The following CDH12 variants were observed in gnomAD, a reference collection of about 807,000 sequenced individuals.
CDH12 encodes the protein cadherin-12.
A neutral mutation model predicts 74.1 loss-of-function variants in CDH12; 41 were observed. The observed-to-expected ratio is 0.55, with a 90% CI of 0.43 to 0.72. The LOEUF (loss-of-function observed/expected upper bound fraction) is 0.72. CDH12 is among the 30% of genes least tolerant of loss of function. The pLI is 0.00. For missense variants in CDH12, 945 were observed against 977.2 expected, an observed-to-expected ratio of 0.97 and a Z score of 0.44; for synonymous variants, 399 against 355.0, an observed-to-expected ratio of 1.12 and a Z score of -1.39.
At chr5:22,363,482 CGGCAT>C (rs1740905835) in intron 3 of CDH12, among the ~76,000 whole-genome samples, 1 of 152,120 alleles carries the variant, frequency 6.6e-6, no homozygotes, top group Admixed American at 6.6e-5. Flanking sequence ...GCCTATTAAA[CGGCAT>C]GAAGAAGATA....
intron 3 of CDH12, among the ~76,000 whole-genome samples, chr5:22,303,847 G>T (rs1737994820): frequency 6.6e-6 from 1 of 152,080 alleles, no homozygotes; most frequent in Non-Finnish European, 1.5e-5. Context: ...TGTGAACTTT[G>T]TTAAGTCACC....
At chr5:22,814,231 C>T (rs1357643970) in intron 1 of CDH12, among the ~76,000 whole-genome samples, 4 of 152,002 alleles carry the variant, frequency 2.6e-5, no homozygotes, top group African/African-American at 9.7e-5. Context: ...GGGAATCAAA[C>T]CAGAGATTGC....
chr5:22,774,824 A>T (rs1747002814), intron 1 of CDH12, among the ~76,000 whole-genome samples: 1 of 151,998 alleles, frequency 6.6e-6, no homozygotes, highest in South Asian at 2.1e-4. Flanking sequence ...AACACTGGGG[A>T]CTATTAGAGT....
At chr5:22,083,619 C>T (rs192358158) in intron 4 of CDH12, among the ~76,000 whole-genome samples, 4 of 152,160 alleles carry the variant, frequency 2.6e-5, no homozygotes, top group South Asian at 4.2e-4. Context: ...TATAACAGCC[C>T]TGTGAAGGAG....
chr5:22,146,282 A>G (rs1747170508), intron 4 of CDH12, among the ~76,000 whole-genome samples: 1 of 152,128 alleles, frequency 6.6e-6, no homozygotes, highest in South Asian at 2.1e-4. Context: ...GCACTCAAGT[A>G]AAAGTCCCCA....
intron 2 of CDH12, among the ~76,000 whole-genome samples, chr5:22,414,007 CTCAAAT>C (rs1743275098): frequency 2.0e-5 from 3 of 151,758 alleles, no homozygotes; most frequent in South Asian, 4.2e-4. Context: ...ACATTTAGTC[CTCAAAT>C]TCAAACAAAA....
chr5:22,475,722 T>C (rs961052860), intron 2 of CDH12, among the ~76,000 whole-genome samples: 52 of 152,040 alleles, frequency 3.4e-4, no homozygotes, highest in Admixed American at 3.3e-4. Context: ...ACTAAGAAAT[T>C]GCATTTTAAT....
At chr5:22,723,964 C>T (rs893085053) in intron 1 of CDH12, among the ~76,000 whole-genome samples, 7 of 151,796 alleles carry the variant, frequency 4.6e-5, no homozygotes, top group African/African-American at 1.7e-4. Flanking sequence ...TTAATTCTCT[C>T]AACAACTTGA....
intron 6 of CDH12, 33 bp downstream of exon 6, chr5:21,975,058 T>C (rs758507019): frequency 1.4e-6 from 2 of 1,440,824 alleles, no homozygotes; most frequent in Non-Finnish European, 1.9e-6. Context: ...GAGGTCTCAT[T>C]GTATCTCACA....
chr5:21,912,187 T>G (rs1165799765), intron 6 of CDH12, among the ~76,000 whole-genome samples: 1 of 152,164 alleles, frequency 6.6e-6, no homozygotes, highest in Admixed American at 6.5e-5. Context: ...GTTTTGACAC[T>G]TTTGATCTTA....
rs984692873 is a variant in CDH12 at position 22,286,719 on chromosome 5, C to A, written c.-332-74076G>T. Among the ~76,000 whole-genome samples, 8 of 149,632 alleles carry A rather than the reference C, an allele frequency of 5.3e-5. No homozygotes were observed. The Admixed American group carries it at 5.3e-4, about 10-fold the overall frequency. ...ACTTCACTTAGACCAAGCAGTGAGTCAATAACTTGCAGTCAGGGTTAACTC... is the reference window on the plus strand; with the variant it reads ...ACTTCACTTAGACCAAGCAGTGAGTAAATAACTTGCAGTCAGGGTTAACTC... On this transcript the variant is annotated intron_variant, in intron 3 of 14. Transcript: ENST00000382254.
chr5:22,197,133 C>T (rs1018318633), intron 4 of CDH12, among the ~76,000 whole-genome samples: 15 of 152,208 alleles, frequency 9.9e-5, no homozygotes, highest in African/African-American at 3.4e-4. Flanking sequence ...CAGGGGCCTT[C>T]AATACCTCAA....
chr5:22,018,503 A>AT, intron 5 of CDH12, among the ~76,000 whole-genome samples: 1 of 152,258 alleles, frequency 6.6e-6, no homozygotes, highest in South Asian at 2.1e-4. Flanking sequence ...GGAACTTTGT[A>AT]TTTTTTGAGT....
intron 1 of CDH12, among the ~76,000 whole-genome samples, chr5:22,852,663 CTT>C (rs1048724467): frequency 6.6e-6 from 1 of 152,112 alleles, no homozygotes; most frequent in African/African-American, 2.4e-5. Context: ...TCTGGAAGCT[CTT>C]TGAAAATAAA....
intron 3 of CDH12, among the ~76,000 whole-genome samples, chr5:22,399,234 C>CTATCTATT (rs1486507834): frequency 6.7e-6 from 1 of 149,458 alleles, no homozygotes; most frequent in South Asian, 2.1e-4. Flanking sequence ...ATCTATCTAT[C>CTATCTATT]TAATCTAAAC....
At chr5:22,469,530 C>A (rs1745871672) in intron 2 of CDH12, among the ~76,000 whole-genome samples, 1 of 121,982 alleles carries the variant, frequency 8.2e-6, no homozygotes, top group South Asian at 2.4e-4. Context: ...TTAAGGCTCA[C>A]TCCAGTGACT....
chr5:22,790,524 T>G (rs1747856396), intron 1 of CDH12, among the ~76,000 whole-genome samples: 1 of 152,128 alleles, frequency 6.6e-6, no homozygotes, highest in African/African-American at 2.4e-5. Flanking sequence ...GTTGGCTTCA[T>G]ATAATCCCTT....
At chr5:22,170,617 AT>A (rs1748966237) in intron 4 of CDH12, among the ~76,000 whole-genome samples, 1 of 151,216 alleles carries the variant, frequency 6.6e-6, no homozygotes, top group Non-Finnish European at 1.5e-5. Context: ...TCTTTTTTAC[AT>A]TTTCAAATTC....
At chr5:21,766,348 G>A (rs539635465) in intron 11 of CDH12, among the ~76,000 whole-genome samples, 9 of 151,934 alleles carry the variant, frequency 5.9e-5, no homozygotes, top group South Asian at 2.1e-4. Flanking sequence ...AATACCAGGC[G>A]TGCTTATAAA....
Sources: gnomAD v4.1 joint callset for allele counts (sites outside exome capture counted in the v4.1 genomes callset) on GRCh38, gnomAD v4.1.1 for gene constraint, MANE v1.5 for transcripts, NCBI Gene and HGNC (gene_info 2026-07-23, HGNC 2026-07-21) for gene names.